TRAIP: variants seen among roughly 807,000 people sequenced by gnomAD.
TRAIP encodes the protein E3 ubiquitin-protein ligase TRAIP.
Under a neutral mutation model 65.0 loss-of-function variants are expected in TRAIP, and 37 were observed. The ratio of observed to expected loss-of-function variants is 0.57; its 90% CI spans 0.44 to 0.75. The LOEUF is 0.75. Ranked by LOEUF, TRAIP falls within the 30% of genes least tolerant of loss-of-function variation. TRAIP has a pLI of 0.00. For missense variants in TRAIP, 481 were observed against 579.4 expected, an observed-to-expected ratio of 0.83 and a Z score of 1.74; for synonymous variants, 187 against 219.1, an observed-to-expected ratio of 0.85 and a Z score of 1.29.
intron 5 of TRAIP, 158 bp downstream of exon 5, chr3:49,843,643 G>T: frequency 1.0e-6 from 1 of 984,574 alleles, no homozygotes; most frequent in Non-Finnish European, 1.5e-6. Flanking sequence ...GGTACAGTAT[G>T]GAAGGGCAAG....
intron 10 of TRAIP, among the ~76,000 whole-genome samples, chr3:49,835,183 G>A (rs1162173480): frequency 6.6e-6 from 1 of 152,172 alleles, no homozygotes; most frequent in Non-Finnish European, 1.5e-5. Flanking sequence ...ACTCCAGCCT[G>A]GGCAACAGAG....
chr3:49,840,671 G>C (rs1486217492), intron 8 of TRAIP: 6 of 559,028 alleles, frequency 1.1e-5, no homozygotes, highest in African/African-American at 1.9e-5. Flanking sequence ...TACAAAAATA[G>C]GCCTCTGATG....
chr3:49,847,461 G>T (rs929883923), intron 3 of TRAIP, 64 bp downstream of exon 3: 2 of 1,044,368 alleles, frequency 1.9e-6, no homozygotes, highest in East Asian at 2.4e-5. Context: ...GAAAAGAAAA[G>T]AAAAAAGAAA....
chr3:49,844,122 G>T, intron 4 of TRAIP, 194 bp from the exon 5 acceptor site: 1 of 708,282 alleles, frequency 1.4e-6, no homozygotes. Flanking sequence ...TTCATTCAGG[G>T]AAAAGCCCAC....
intron 4 of TRAIP, 37 bp from the exon 5 acceptor site, chr3:49,843,965 C>T (rs747212282): frequency 6.3e-7 from 1 of 1,578,872 alleles, no homozygotes; most frequent in Non-Finnish European, 8.7e-7. Context: ...AAGGGAAAGG[C>T]CTGTCCATCC....
chr3:49,848,936 T>A (rs993731116), intron 1 of TRAIP, among the ~76,000 whole-genome samples: 3 of 151,876 alleles, frequency 2.0e-5, no homozygotes, highest in Non-Finnish European at 4.4e-5. Context: ...AAACTCCGCC[T>A]CCTTGGTTCA....
At chr3:49,847,641 T>G in intron 2 of TRAIP, 33 bp from the exon 3 acceptor site, 1 of 1,507,556 alleles carries the variant, frequency 6.6e-7, no homozygotes, top group South Asian at 1.2e-5. Flanking sequence ...AGTATGATTG[T>G]GTAGCTGGGT....
rs183727454 is a variant in TRAIP, at chr3:49,852,849, C to A, written c.98+3507G>T. Among the ~76,000 whole-genome samples, 3 of 152,204 alleles carry A rather than the reference C, an allele frequency of 2.0e-5. No individual in the cohort carries two copies. In the East Asian group the frequency reaches 5.8e-4, roughly 29 times the overall value. ...TTGTAAAAAGAAATTCGGCCAGGCA[C>A]AATGGCTCATGGCTGTAATCCCGGC... On this transcript the variant is annotated intron_variant, in intron 1 of 14. Transcript: ENST00000331456.
At chr3:49,842,319 T>C in intron 6 of TRAIP, 134 bp downstream of exon 6, 1 of 818,032 alleles carries the variant, frequency 1.2e-6, no homozygotes, top group East Asian at 2.5e-5. Context: ...CCAGCTGACC[T>C]GAGCCCTCCA....
At chr3:49,849,426 C>T (rs759402881) in intron 1 of TRAIP, among the ~76,000 whole-genome samples, 8 of 120,834 alleles carry the variant, frequency 6.6e-5, no homozygotes, top group Admixed American at 2.4e-4. Flanking sequence ...GAGATTGAGA[C>T]CATCCTGACT....
intron 10 of TRAIP, among the ~76,000 whole-genome samples, chr3:49,839,460 T>C (rs1002852828): frequency 6.6e-6 from 1 of 152,176 alleles, no homozygotes; most frequent in African/African-American, 2.4e-5. Context: ...TTCATATTTG[T>C]TTCAAAATCT....
Position 49,856,529 on chromosome 3 carries a change from T to C in TRAIP, c.-76A>G. 7.3e-7 allele frequency: 1 copy of C among 1,364,632 alleles called. No homozygotes were observed. Among genetic ancestry groups the C allele is most frequent in the African/African-American group, 1.5e-5 (1 of 68,874 alleles). 84.5% of individuals were successfully genotyped at this position (1,364,632 alleles called of 1,614,324 possible). A position where few individuals can be genotyped will look rare whatever the true frequency, so the allele number is the denominator to read the frequency against. ...GGCTTCGTAGACGCGCCCCCGCGCC[T>C]CCGCTTGCTTCAAATTTGGCTCCGC... is the stretch of plus-strand genomic sequence containing the variant. On this transcript the variant is annotated 5_prime_UTR_variant, in exon 1 of 15. Transcript: ENST00000331456.
chr3:49,840,325 A>T lies in TRAIP; in HGVS notation c.754T>A (p.Ser252Thr), dbSNP rs370529836. The change falls in exon 9 of 15, where the codon TCA becomes ACA. Residue 252 changes from serine (S) to threonine (T), a missense_variant. By Grantham distance (58) the Ser-to-Thr change is moderately conservative. Coordinates refer to ENST00000331456, the MANE Select transcript of TRAIP (RefSeq NM_005879.3). ...ELDQAKLELK[S>T]AQKDLQSADK... ...GCACTCTGTAAGTCCTTCTGGGCTG[A>T]CTTCAGTTCTAACTTGGCCTGATCC... 2.5e-6 allele frequency: 4 copies of T among 1,614,064 alleles called. No homozygotes were observed. The African/African-American group carries it at 5.3e-5, about 22-fold the overall frequency.
At chr3:49,849,175 T>C (rs550867782) in intron 1 of TRAIP, among the ~76,000 whole-genome samples, 27 of 151,766 alleles carry the variant, frequency 1.8e-4, no homozygotes, top group African/African-American at 6.0e-4. Flanking sequence ...ATTTTTTGTT[T>C]TTTTGTTTTT....
In TRAIP at chr3:49,829,169, C is replaced by T. The variant is rs144112402; in HGVS notation, c.1344G>A (p.Gln448=). Reference sequence around the variant, plus strand: ...AAGGCACTGTCTTCACCCTCACCCTCTGCTTAACCTTGGTCTTGGGCTTAA... The same window carrying T: ...AAGGCACTGTCTTCACCCTCACCCTTTGCTTAACCTTGGTCTTGGGCTTAA... The part of the protein sequence containing the change: ...LPVKPKTKVK[Q]RVRVKTVPSL... The change falls in exon 15 of 15, where the codon CAG becomes CAA. Residue 448 remains glutamine (Q), a synonymous_variant. Transcript: ENST00000331456. The T allele has an allele frequency of 7.0e-5, 113 of 1,614,272 alleles. 1 individual carries two copies. The East Asian group carries it at 1.5e-3, about 22-fold the overall frequency.
rs977744947 is a variant in TRAIP at position 49,842,509 on chromosome 3, G to A, written c.447C>T (p.Thr149=). 1 of 1,613,858 alleles carries A rather than the reference G, an allele frequency of 6.2e-7. No individual in the cohort carries two copies. Among genetic ancestry groups the A allele is most frequent in the Non-Finnish European group, 8.5e-7 (1 of 1,179,998 alleles). Reference sequence around the variant, plus strand: ...GGCGGGCCTCCTCTTGTGCTTGTTTGGTCTCATCCTGCTGCTGCTCTAAGT... The same window carrying A: ...GGCGGGCCTCCTCTTGTGCTTGTTTAGTCTCATCCTGCTGCTGCTCTAAGT... The part of the protein sequence containing the change: ...MKYLEQQQDE[T]KQAQEEARRL... The change falls in exon 6 of 15, where the codon ACC becomes ACT. Residue 149 remains threonine (T), a synonymous_variant. Transcript: ENST00000331456.
intron 10 of TRAIP, among the ~76,000 whole-genome samples, chr3:49,832,841 G>C (rs1464010741): frequency 6.6e-6 from 1 of 151,698 alleles, no homozygotes; most frequent in Non-Finnish European, 1.5e-5. Context: ...GAATGGCAAG[G>C]GTAGCTCCAA....
chr3:49,853,839 T>C (rs951773396), intron 1 of TRAIP, among the ~76,000 whole-genome samples: 1 of 150,788 alleles, frequency 6.6e-6, no homozygotes. Context: ...AGAACGAGAC[T>C]CCATCTCAAA....
At position 49,845,907 on chromosome 3, in the gene TRAIP, C is replaced by T. The variant is rs577507817; in HGVS notation, c.241-1327G>A. Among the ~76,000 whole-genome samples the T allele has an allele frequency of 2.0e-5, 3 of 152,332 alleles. No homozygotes were observed. The South Asian group carries it at 6.2e-4, about 32-fold the overall frequency. Reference sequence around the variant, plus strand: ...TCCTGAAGCAGTGAGGTTCCAAGGACATCATGACACCCTGGGGCCAGAGCC... The same window carrying T: ...TCCTGAAGCAGTGAGGTTCCAAGGATATCATGACACCCTGGGGCCAGAGCC... On this transcript the variant is annotated intron_variant, in intron 3 of 14. Coordinates refer to ENST00000331456, the MANE Select transcript of TRAIP (RefSeq NM_005879.3).
Sources: gnomAD v4.1 joint callset for allele counts (sites outside exome capture counted in the v4.1 genomes callset) on GRCh38, gnomAD v4.1.1 for gene constraint, MANE v1.5 for transcripts, NCBI Gene and HGNC (gene_info 2026-07-23, HGNC 2026-07-21) for gene names.